Variants in CCDC60 observed in about 807,000 individuals in gnomAD.
CCDC60 encodes coiled-coil domain-containing protein 60.
In CCDC60, 54 loss-of-function variants were observed where a neutral mutation model predicts 63.5. The ratio of observed to expected loss-of-function variants is 0.85; its 90% CI spans 0.68 to 1.07. The LOEUF (loss-of-function observed/expected upper bound fraction) is 1.07, where lower values mean the gene tolerates loss of function less well. Ranked by LOEUF, CCDC60 falls within the 50% of genes least tolerant of loss-of-function variation. The pLI is 0.00. For synonymous variants in CCDC60, 206 were observed against 238.8 expected (o/e 0.86, Z 1.27); for missense variants, 651 against 684.3 (o/e 0.95, Z 0.54).
At chr12:119,504,110 G>A (rs558385414) in intron 6 of CCDC60, among the ~76,000 whole-genome samples, 11 of 152,174 alleles carry the variant, frequency 7.2e-5, no homozygotes, top group South Asian at 2.1e-4. Context: ...GGGCATTTTC[G>A]ATGTCACTGA....
chr12:119,503,888 A>G (rs1192563765), intron 6 of CCDC60, among the ~76,000 whole-genome samples: 1 of 152,176 alleles, frequency 6.6e-6, no homozygotes, highest in Non-Finnish European at 1.5e-5. Flanking sequence ...CCAGGGTGTC[A>G]AACACTACGA....
rs145051434 is a variant in CCDC60, at chr12:119,460,667, C to T, written c.171-11327C>T. On this transcript the variant is annotated intron_variant, in intron 2 of 13. Transcript: ENST00000327554. ...GGGTCCGTTGTGGATTTTGTTCACA[C>T]GGACCCAGCTGAGAAAGCTCATTTT... Among the ~76,000 whole-genome samples, 47 of 152,298 alleles carry T rather than the reference C, an allele frequency of 3.1e-4. No homozygotes were observed. In the East Asian group the frequency reaches 7.3e-3, roughly 24 times the overall value.
intron 6 of CCDC60, 96 bp downstream of exon 6, chr12:119,500,264 T>A (rs1371807520): frequency 1.2e-6 from 1 of 840,450 alleles, no homozygotes; most frequent in African/African-American, 1.8e-5. Flanking sequence ...GGAATTTTTT[T>A]TTCCTAGTTG....
rs1460540911 is a variant in CCDC60, at chr12:119,456,160, A to G, written c.171-15834A>G. Reference sequence around the variant, plus strand: ...ATCCCAGATCTTAGAGGACATTGCTAGGAGGAGAAGGAAGGACTCAGGACT... The same window carrying G: ...ATCCCAGATCTTAGAGGACATTGCTGGGAGGAGAAGGAAGGACTCAGGACT... On this transcript the variant is annotated intron_variant, in intron 2 of 13. Coordinates refer to ENST00000327554, the MANE Select transcript of CCDC60 (RefSeq NM_178499.5). This position sits in a 1 kb window ranked among gnomAD's most constrained non-coding sequence, Gnocchi z 4.6. 1.3e-5 allele frequency among the ~76,000 whole-genome samples: 2 copies of G among 152,166 alleles called. No individual in the cohort carries two copies. Among genetic ancestry groups the G allele is most frequent in the African/African-American group, 4.8e-5 (2 of 41,440 alleles).
intron 2 of CCDC60, among the ~76,000 whole-genome samples, chr12:119,459,312 G>A (rs1466152746): frequency 6.6e-6 from 1 of 152,168 alleles, no homozygotes; most frequent in Non-Finnish European, 1.5e-5. Flanking sequence ...CCAAGATTCT[G>A]CAATTCTAAC....
Position 119,445,433 on chromosome 12 carries a change from C to CAAAAAAAAAAA in CCDC60, c.170+16684_170+16694dup, listed in dbSNP as rs58415660. On this transcript the variant is annotated intron_variant, in intron 2 of 13. Transcript: ENST00000327554. ...TGAGTGACAGAGCGAGACTCCATCT[C>CAAAAAAAAAAA]AAAAAAAAAAAAAAAAAAAAAAAGG... is the stretch of plus-strand genomic sequence containing the variant. 3.1e-3 allele frequency among the ~76,000 whole-genome samples: 83 copies of CAAAAAAAAAAA among 27,204 alleles called. 3 individuals are homozygous for CAAAAAAAAAAA. The highest frequency in any genetic ancestry group is 0.022 in the East Asian group (17 of 758). 17.8% of individuals were successfully genotyped at this position (27,204 alleles called of 152,430 possible).
intron 13 of CCDC60, among the ~76,000 whole-genome samples, chr12:119,536,991 T>A (rs550903783): frequency 6.6e-6 from 1 of 152,346 alleles, no homozygotes; most frequent in East Asian, 1.9e-4. Flanking sequence ...TCCTGGATAA[T>A]ATCCTGCAGA....
In CCDC60 at chr12:119,485,561, T is replaced by G. The variant is rs143425475; in HGVS notation, c.450-3198T>G. 2.2e-3 allele frequency among the ~76,000 whole-genome samples: 341 copies of G among 152,310 alleles called. 6 individuals carry two copies. In the East Asian group the frequency reaches 0.041, roughly 18 times the overall value. ...CGAGGTTGGAGGATCGCTCTCTCCCTGTCTTCTCTGTGTCCTCATATGGTC... is the reference window on the plus strand; with the variant it reads ...CGAGGTTGGAGGATCGCTCTCTCCCGGTCTTCTCTGTGTCCTCATATGGTC... On this transcript the variant is annotated intron_variant, in intron 4 of 13. Coordinates refer to ENST00000327554, the MANE Select transcript of CCDC60 (RefSeq NM_178499.5).
chr12:119,344,855 T>TCTCTCACACA (rs1232194303), intron 1 of CCDC60, among the ~76,000 whole-genome samples: 26 of 114,856 alleles, frequency 2.3e-4, no homozygotes, highest in African/African-American at 7.8e-4. Context: ...TCTCTCTCTC[T>TCTCTCACACA]CACACACACA....
intron 4 of CCDC60, among the ~76,000 whole-genome samples, chr12:119,480,645 C>T (rs1054228651): frequency 7.2e-6 from 1 of 139,542 alleles, no homozygotes; most frequent in Non-Finnish European, 1.5e-5. Flanking sequence ...TCATTATCAC[C>T]ATCATCATCA....
At chr12:119,361,110 TGAGAGGGAGACCGTGGAAAGAGAGG>T (rs1409966961) in intron 1 of CCDC60, among the ~76,000 whole-genome samples, 26 of 142,328 alleles carry the variant, frequency 1.8e-4, no homozygotes, top group Non-Finnish European at 3.3e-4. Flanking sequence ...CGGCTTGGCA[TGAGAGGGAGACCGTGGAAAGAGAGG>T]GAGAGGGAGA....
Position 119,455,901 on chromosome 12 carries a change from AGGAG to A in CCDC60, c.171-16087_171-16084del, listed in dbSNP as rs377601867. Among the ~76,000 whole-genome samples, 316 of 139,500 alleles carry A rather than the reference AGGAG, an allele frequency of 2.3e-3. 2 individuals are homozygous for A. Among genetic ancestry groups the A allele is most frequent in the African/African-American group, 7.7e-3 (292 of 37,730 alleles). 91.5% of individuals were successfully genotyped at this position (139,500 alleles called of 152,430 possible). Reference sequence around the variant, plus strand: ...GGAAGGAAAAGAAAGGAAAGAAAGAAGGAGGGAGGAAGGAAGGAGGAAAGAAAGA... The same window carrying A: ...GGAAGGAAAAGAAAGGAAAGAAAGAAGGAGGAAGGAAGGAGGAAAGAAAGA... On this transcript the variant is annotated intron_variant, in intron 2 of 13. Transcript: ENST00000327554.
At chr12:119,442,442 C>T (rs767153679) in intron 2 of CCDC60, among the ~76,000 whole-genome samples, 21 of 152,136 alleles carry the variant, frequency 1.4e-4, no homozygotes, top group Non-Finnish European at 2.2e-4. Context: ...GGCGAAACCA[C>T]GTCTCTATGA....
At chr12:119,395,938 TTTTC>T (rs567506742) in intron 1 of CCDC60, among the ~76,000 whole-genome samples, 15 of 147,904 alleles carry the variant, frequency 1.0e-4, no homozygotes, top group Non-Finnish European at 2.1e-4. Context: ...TCATGCATCC[TTTTC>T]TTTCTTTTTT....
chr12:119,519,002 G>GA (rs1286196908), intron 8 of CCDC60, among the ~76,000 whole-genome samples: 20 of 152,090 alleles, frequency 1.3e-4, no homozygotes, highest in Non-Finnish European at 2.2e-4. Flanking sequence ...ATTCCTCTGG[G>GA]AAAAAAATCT....
At chr12:119,513,979 G>A (rs539762349) in intron 7 of CCDC60, among the ~76,000 whole-genome samples, 1 of 152,192 alleles carries the variant, frequency 6.6e-6, no homozygotes, top group African/African-American at 2.4e-5. Flanking sequence ...ACAGCCCTAG[G>A]TAGATCCTTC....
Position 119,523,746 on chromosome 12 carries a change from T to C in CCDC60, c.1157T>C (p.Met386Thr), listed in dbSNP as rs529146936. ...TACAAGAGTGGGGTGTGTAACACCA[T>C]GAGGGCCAAGTTTTACAGCGTAGCC... Reference protein sequence around the residue: ...IHYKSGVCNTMRAKFYSVAQE... With the variant: ...IHYKSGVCNTTRAKFYSVAQE... The change falls in exon 11 of 14, where the codon ATG becomes ACG. Residue 386 changes from methionine to threonine, a missense_variant. Physicochemically the swap from Met to Thr is moderately conservative, Grantham distance 81 (BLOSUM62 -1). Coordinates refer to ENST00000327554, the MANE Select transcript of CCDC60 (RefSeq NM_178499.5). 2.8e-5 allele frequency: 45 copies of C among 1,614,200 alleles called. 1 individual carries two copies. Among genetic ancestry groups the C allele is most frequent in the South Asian group, 2.2e-4 (20 of 91,086 alleles).
At chr12:119,402,934 C>T (rs144399525) in intron 1 of CCDC60, among the ~76,000 whole-genome samples, 147 of 152,256 alleles carry the variant, frequency 9.7e-4, no homozygotes, top group Non-Finnish European at 1.2e-3. Context: ...ATGTGGCCTA[C>T]GCAAAAGAGA....
At chr12:119,437,030 C>A (rs1253826500) in intron 2 of CCDC60, among the ~76,000 whole-genome samples, 2 of 152,132 alleles carry the variant, frequency 1.3e-5, no homozygotes, top group Admixed American at 1.3e-4. Flanking sequence ...AGGAGCCCAA[C>A]AAAAATGATT....
Sources: gnomAD v4.1 joint callset for allele counts (sites outside exome capture counted in the v4.1 genomes callset) on GRCh38, gnomAD v4.1.1 for gene constraint, Gnocchi (gnomAD v3.1) non-coding constraint, MANE v1.5 for transcripts, NCBI Gene and HGNC (gene_info 2026-07-23, HGNC 2026-07-21) for gene names.